The following ASTN2 variants were observed in gnomAD, a reference collection of about 807,000 sequenced individuals.
ASTN2 encodes the protein astrotactin 2.
ASTN2 carries 54 observed loss-of-function variants against 139.8 expected under a neutral mutation model. The observed-to-expected ratio is 0.39, with a 90% confidence interval of 0.31 to 0.48. The LOEUF (loss-of-function observed/expected upper bound fraction) is 0.48, where lower values mean the gene tolerates loss of function less well. Among genes scored for constraint, ASTN2 ranks in the 20% least tolerant of loss-of-function variants. The pLI is 0.95. For synonymous variants in ASTN2, 756 were observed against 719.5 expected (o/e 1.05, Z -0.81); for missense variants, 1,565 against 1,725.1 (o/e 0.91, Z 1.64).
intron 10 of ASTN2, among the ~76,000 whole-genome samples, chr9:116,923,727 G>C (rs914122029): frequency 5.3e-5 from 8 of 152,148 alleles, no homozygotes; most frequent in Non-Finnish European, 7.4e-5. Flanking sequence ...ATTCAACTTG[G>C]AATCCTTAAA....
In ASTN2 at chr9:117,282,982, G is replaced by GTT. The variant is rs202218410; in HGVS notation, c.630+8342_630+8343dup. Among the ~76,000 whole-genome samples, 446 of 130,860 alleles carry GTT rather than the reference G, an allele frequency of 3.4e-3. 14 individuals carry two copies. The highest frequency in any genetic ancestry group is 0.012 in the African/African-American group (376 of 31,056). The allele number at this position is 130,860 out of a possible 152,430, so 85.8% of individuals were successfully genotyped here. A position where few individuals can be genotyped will look rare whatever the true frequency, so the allele number is the denominator to read the frequency against. On this transcript the variant is annotated intron_variant, in intron 2 of 22. Coordinates refer to ENST00000313400, the MANE Select transcript of ASTN2 (RefSeq NM_001365068.1). Reference sequence around the variant, plus strand: ...TCCCACTATATTTCATACTTCTACTGTTTTTTTTTTTTTTTGGAAACTCTT... The same window carrying GTT: ...TCCCACTATATTTCATACTTCTACTGTTTTTTTTTTTTTTTTTGGAAACTCTT...
chr9:116,651,891 T>G, intron 16 of ASTN2, 98 bp from the exon 17 acceptor site: 1 of 1,424,598 alleles, frequency 7.0e-7, no homozygotes. Flanking sequence ...AAGAAGCTGG[T>G]ATCCATTGAG....
At chr9:116,640,767 T>C (rs577693862) in intron 17 of ASTN2, among the ~76,000 whole-genome samples, 1 of 152,350 alleles carries the variant, frequency 6.6e-6, no homozygotes, top group African/African-American at 2.4e-5. Flanking sequence ...GAAAGTGATG[T>C]GAGCAAGTTT....
intron 7 of ASTN2, 46 bp downstream of exon 7, chr9:117,008,046 C>A (rs1588476171): frequency 1.3e-6 from 2 of 1,495,926 alleles, no homozygotes; most frequent in East Asian, 4.9e-5. Context: ...CTCTTTCAAC[C>A]CAGCCTCTCC....
intron 1 of ASTN2, among the ~76,000 whole-genome samples, chr9:117,388,111 T>A (rs375211859): frequency 6.6e-5 from 10 of 152,318 alleles, no homozygotes; most frequent in East Asian, 5.8e-4. Context: ...AGTGGAGCCA[T>A]CCAAGATTCC....
chr9:116,786,177 T>G (rs559198372), intron 13 of ASTN2, among the ~76,000 whole-genome samples: 59 of 152,328 alleles, frequency 3.9e-4, no homozygotes, highest in Non-Finnish European at 6.8e-4. Flanking sequence ...CATAGTTCAC[T>G]GCCTTGTTTC....
intron 1 of ASTN2, among the ~76,000 whole-genome samples, chr9:117,351,305 T>C (rs544663714): frequency 1.3e-5 from 2 of 152,316 alleles, no homozygotes; most frequent in African/African-American, 4.8e-5. Context: ...TCAAGGTCTA[T>C]TATAACTTTC....
At chr9:117,394,818 T>G (rs1465873089) in intron 1 of ASTN2, among the ~76,000 whole-genome samples, 1 of 152,136 alleles carries the variant, frequency 6.6e-6, no homozygotes, top group East Asian at 1.9e-4. Flanking sequence ...AGGACTCAGC[T>G]GCTAGGGAAT....
In ASTN2 at chr9:116,733,459, C is replaced by T. The variant is rs1005460121; in HGVS notation, c.2461G>A (p.Val821Met). ...ADGLLVIPLPVEEQCRGVLSE... is the reference protein window; with the variant it reads ...ADGLLVIPLPMEEQCRGVLSE... ...AGGACCCCCCGGCACTGCTCCTCCA[C>T]CGGCAGCGGGATCACCAACAGCCCA... Residue 821 changes from valine (V) to methionine (M), a missense_variant, in exon 14 of 23, where the codon GTG (valine) becomes ATG (methionine). Around this residue, in one of 4 missense-constraint regions of ASTN2, gnomAD observed 503 missense variants for 591.7 expected, o/e 0.85. Coordinates refer to ENST00000313400, the MANE Select transcript of ASTN2 (RefSeq NM_001365068.1). 1.2e-6 allele frequency: 2 copies of T among 1,614,080 alleles called. No homozygotes were observed. The highest frequency in any genetic ancestry group is 1.3e-5 in the African/African-American group (1 of 74,930).
chr9:116,467,813 T>C (rs1404449147), intron 20 of ASTN2, among the ~76,000 whole-genome samples: 3 of 152,218 alleles, frequency 2.0e-5, no homozygotes, highest in Non-Finnish European at 2.9e-5. Context: ...CATTTCTAAA[T>C]ATTCAAGAAA....
chr9:116,950,644 C>A (rs1461954152), intron 10 of ASTN2, among the ~76,000 whole-genome samples: 1 of 152,104 alleles, frequency 6.6e-6, no homozygotes, highest in East Asian at 1.9e-4. Flanking sequence ...GGCAAGCTTC[C>A]CTTCCACCTT....
intron 19 of ASTN2, among the ~76,000 whole-genome samples, chr9:116,502,092 T>G (rs1384304284): frequency 1.3e-5 from 2 of 151,630 alleles, no homozygotes; most frequent in Non-Finnish European, 2.9e-5. Context: ...GGTGAATCAT[T>G]GAGAAGGAGG....
chr9:116,670,224 A>G (rs943891451), intron 16 of ASTN2, among the ~76,000 whole-genome samples: 2 of 152,254 alleles, frequency 1.3e-5, no homozygotes, highest in African/African-American at 4.8e-5. Flanking sequence ...ATTGTTTATA[A>G]CAGCTAGTAT....
rs529106973 is a variant in ASTN2 at position 116,482,479 on chromosome 9, G to C, written c.3497+4880C>G. ...CTAGCAGTATTATCCAGAAAGTCCT[G>C]GTGGCACTGGGCATCAGAACCTCTG... On this transcript the variant is annotated intron_variant, in intron 20 of 22. Transcript: ENST00000313400. Among the ~76,000 whole-genome samples, 11 of 152,216 alleles carry C rather than the reference G, an allele frequency of 7.2e-5. No individual in the cohort carries two copies. In the South Asian group the frequency reaches 1.7e-3, roughly 23 times the overall value.
At chr9:117,305,891 T>C (rs756962023) in intron 1 of ASTN2, among the ~76,000 whole-genome samples, 6 of 152,200 alleles carry the variant, frequency 3.9e-5, no homozygotes, top group Non-Finnish European at 7.4e-5. Context: ...CTGTGCTCAA[T>C]AATGTCTGCA....
Position 117,340,933 on chromosome 9 carries a change from G to C in ASTN2, c.443-49420C>G, listed in dbSNP as rs560417730. On this transcript the variant is annotated intron_variant, in intron 1 of 22. Transcript: ENST00000313400. ...TACTCAATAACCATGTGGGGCCTTTGCATGGTCTTGTGCCTATGACAACCC... is the reference window on the plus strand; with the variant it reads ...TACTCAATAACCATGTGGGGCCTTTCCATGGTCTTGTGCCTATGACAACCC... Among the ~76,000 whole-genome samples the C allele has an allele frequency of 2.1e-3, 326 of 152,254 alleles. 1 individual carries two copies. The highest frequency in any genetic ancestry group is 7.6e-3 in the African/African-American group (314 of 41,562).
chr9:116,755,429 G>A (rs555219200), intron 13 of ASTN2, among the ~76,000 whole-genome samples: 7 of 152,214 alleles, frequency 4.6e-5, no homozygotes, highest in African/African-American at 1.7e-4. Flanking sequence ...TTAAGAAGAG[G>A]AAAACTGGAC....
chr9:116,703,518 T>C (rs924487345), intron 16 of ASTN2, among the ~76,000 whole-genome samples: 17 of 150,520 alleles, frequency 1.1e-4, no homozygotes, highest in Admixed American at 4.0e-4. Flanking sequence ...TAGGTGGGAA[T>C]TGAACAATGA....
At chr9:117,196,045 C>T (rs1008852987) in intron 3 of ASTN2, among the ~76,000 whole-genome samples, 5 of 152,096 alleles carry the variant, frequency 3.3e-5, no homozygotes, top group African/African-American at 9.7e-5. Flanking sequence ...AGCTCATTGC[C>T]GTCCCAAGGA....
Sources: gnomAD v4.1 joint callset for allele counts (sites outside exome capture counted in the v4.1 genomes callset) on GRCh38, gnomAD v4.1.1 for gene constraint, gnomAD v4.1.1 regional missense constraint, MANE v1.5 for transcripts, NCBI Gene and HGNC (gene_info 2026-07-23, HGNC 2026-07-21) for gene names.